ST3GAL3: variants seen among roughly 807,000 people sequenced by gnomAD.
ST3GAL3 encodes the protein ST3 beta-galactoside alpha-2,3-sialyltransferase 3, also known as CMP-N-acetylneuraminate-beta-1,4-galactoside alpha-2,3-sialyltransferase.
A neutral mutation model predicts 50.1 loss-of-function variants in ST3GAL3; 21 were observed. That is an observed-to-expected ratio of 0.42 (90% CI 0.30 to 0.60). The LOEUF is 0.60. Ranked by LOEUF, ST3GAL3 falls within the 20% of genes least tolerant of loss-of-function variation. The pLI, the probability that ST3GAL3 is intolerant of heterozygous loss-of-function variation, is 0.19. For missense variants in ST3GAL3, 353 were observed against 489.4 expected (o/e 0.72, Z 2.63); for synonymous variants, 183 against 190.0 (o/e 0.96, Z 0.30).
At position 43,861,797 on chromosome 1, in the gene ST3GAL3, G is replaced by A. The variant is rs3888199; in HGVS notation, c.302+23486G>A. Among the ~76,000 whole-genome samples, 1,249 of 152,280 alleles carry A rather than the reference G, an allele frequency of 8.2e-3. 12 individuals are homozygous for A. Among genetic ancestry groups the A allele is most frequent in the South Asian group, 0.019 (91 of 4,826 alleles). ...TAATCCCGGCACTTTGGGAGGCCAG[G>A]GCAGGCGGATCACCTGAAGTCAGGA... On this transcript the variant is annotated intron_variant, in intron 5 of 11. Coordinates refer to ENST00000347631, the MANE Select transcript of ST3GAL3 (RefSeq NM_006279.5).
chr1:43,828,228 A>G (rs2063078166), intron 4 of ST3GAL3, among the ~76,000 whole-genome samples: 1 of 152,224 alleles, frequency 6.6e-6, no homozygotes, highest in African/African-American at 2.4e-5. Flanking sequence ...TTCACCTTGT[A>G]CCTTTCACAA....
At chr1:43,817,374 TCTTCTC>T (rs1324295618) in intron 4 of ST3GAL3, among the ~76,000 whole-genome samples, 1 of 85,780 alleles carries the variant, frequency 1.2e-5, no homozygotes, top group Non-Finnish European at 2.6e-5. Context: ...TTCTTCTCCT[TCTTCTC>T]CTTCTTCTTC....
chr1:43,754,827 G>T (rs1196493567), intron 2 of ST3GAL3, among the ~76,000 whole-genome samples: 1 of 151,968 alleles, frequency 6.6e-6, no homozygotes, highest in Non-Finnish European at 1.5e-5. Context: ...GTGTGTTCCT[G>T]TAGTACCAGC....
intron 5 of ST3GAL3, among the ~76,000 whole-genome samples, chr1:43,870,317 G>T (rs147704447): frequency 6.6e-6 from 1 of 152,254 alleles, no homozygotes; most frequent in Non-Finnish European, 1.5e-5. Flanking sequence ...CCCTGTAAGT[G>T]ACATAAGTAG....
chr1:43,858,118 G>GTACC lies in ST3GAL3; in HGVS notation c.302+19810_302+19813dup, dbSNP rs756107423. 9.3e-6 allele frequency: 12 copies of GTACC among 1,289,370 alleles called. No homozygotes were observed. The South Asian group carries it at 1.5e-4, about 16-fold the overall frequency. 79.9% of individuals were successfully genotyped at this position (1,289,370 alleles called of 1,614,324 possible). On this transcript the variant is annotated intron_variant, in intron 5 of 11. Transcript: ENST00000347631. ...TTTCTGAGCCTCACCTTCCTCATCTGTACCTATCTTCCCCAGAGCTAAGAG... is the reference window on the plus strand; with the variant it reads ...TTTCTGAGCCTCACCTTCCTCATCTGTACCTACCTATCTTCCCCAGAGCTAAGAG...
At chr1:43,902,751 T>C (rs2078502041) in intron 9 of ST3GAL3, among the ~76,000 whole-genome samples, 1 of 152,172 alleles carries the variant, frequency 6.6e-6, no homozygotes, top group Non-Finnish European at 1.5e-5. Context: ...GGGTGCAGCC[T>C]CCAGCTCCGG....
At chr1:43,791,007 T>C (rs2058011387) in intron 2 of ST3GAL3, among the ~76,000 whole-genome samples, 1 of 152,226 alleles carries the variant, frequency 6.6e-6, no homozygotes, top group African/African-American at 2.4e-5. Context: ...TTTTATGTTT[T>C]GGTATTTCAG....
Position 43,899,283 on chromosome 1 carries a change from A to G in ST3GAL3, c.557+20A>G, listed in dbSNP as rs2077868161. 2 of 1,614,050 alleles carry G rather than the reference A, an allele frequency of 1.2e-6. No homozygotes were observed. Among genetic ancestry groups the G allele is most frequent in the Non-Finnish European group, 1.7e-6 (2 of 1,180,010 alleles). ...GGTGAGGTGAGCTCCCCAAAATGGC[A>G]CCTCGGGTGAGTGTCGTGGCCCCAA... is the stretch of plus-strand genomic sequence containing the variant. On this transcript the variant is annotated intron_variant, in intron 8 of 11. Coordinates refer to ENST00000347631, the MANE Select transcript of ST3GAL3 (RefSeq NM_006279.5). The surrounding 1 kb of genome is among the most constrained non-coding windows in gnomAD (Gnocchi z 5.4).
At chr1:43,812,977 G>A (rs1194308388) in intron 3 of ST3GAL3, among the ~76,000 whole-genome samples, 6 of 152,114 alleles carry the variant, frequency 3.9e-5, no homozygotes, top group Admixed American at 3.9e-4. Flanking sequence ...TATATGGGAG[G>A]AAAAACAGTG....
At chr1:43,803,387 A>AT (rs1338817918) in intron 3 of ST3GAL3, among the ~76,000 whole-genome samples, 1 of 148,726 alleles carries the variant, frequency 6.7e-6, no homozygotes, top group East Asian at 2.0e-4. Flanking sequence ...AAAAAAAAAA[A>AT]GGAATGTGCA....
At chr1:43,831,384 G>A (rs769315217) in intron 4 of ST3GAL3, among the ~76,000 whole-genome samples, 4 of 152,134 alleles carry the variant, frequency 2.6e-5, no homozygotes, top group Non-Finnish European at 2.9e-5. Context: ...GACTTACTAA[G>A]GATTTAGAAC....
In ST3GAL3 at chr1:43,821,899, A is replaced by G. The variant is rs12072491; in HGVS notation, c.209+6966A>G. Among the ~76,000 whole-genome samples, 252 of 152,368 alleles carry G rather than the reference A, an allele frequency of 1.7e-3. 2 individuals are homozygous for G. The highest frequency in any genetic ancestry group is 5.6e-3 in the African/African-American group (234 of 41,590). ...TTAACAGATTTGTTGAGCAACTAAT[A>G]TGTATCAGGCAATATTCTGTGGTCT... On this transcript the variant is annotated intron_variant, in intron 4 of 11. Coordinates refer to ENST00000347631, the MANE Select transcript of ST3GAL3 (RefSeq NM_006279.5).
rs764744327 is a variant in ST3GAL3, at chr1:43,838,207, C to G, written c.210-12C>G. On this transcript the variant is annotated splice_polypyrimidine_tract_variant and intron_variant, in intron 4 of 11. Transcript: ENST00000347631. ...TGCCTGGCAAGCTGTAACTTTCCTT[C>G]TCTTCCCATAGGCCTGCTGAATTAG... 7 of 1,590,178 alleles carry G rather than the reference C, an allele frequency of 4.4e-6. No homozygotes were observed. The highest frequency in any genetic ancestry group is 6.0e-6 in the Non-Finnish European group (7 of 1,164,792).
At chr1:43,887,182 G>A (rs1042375184) in intron 5 of ST3GAL3, among the ~76,000 whole-genome samples, 4 of 152,154 alleles carry the variant, frequency 2.6e-5, no homozygotes, top group Non-Finnish European at 1.5e-5. Flanking sequence ...AGGGCCCAGC[G>A]CCTCATAAAT....
intron 2 of ST3GAL3, among the ~76,000 whole-genome samples, chr1:43,791,713 G>T (rs1217863834): frequency 6.6e-6 from 1 of 152,162 alleles, no homozygotes; most frequent in East Asian, 1.9e-4. Context: ...ATAAGTAGAA[G>T]AAAGGGCAAG....
intron 5 of ST3GAL3, chr1:43,842,073 T>G (rs1433950709): frequency 6.6e-6 from 1 of 152,262 alleles, no homozygotes; most frequent in Non-Finnish European, 1.5e-5. Flanking sequence ...TAACATGTTA[T>G]GACCTTTGCT....
chr1:43,891,586 A>G (rs561598087), intron 5 of ST3GAL3, among the ~76,000 whole-genome samples: 2 of 152,294 alleles, frequency 1.3e-5, no homozygotes, highest in African/African-American at 4.8e-5. Flanking sequence ...ATAAGTAATA[A>G]ATAAATAAGA....
intron 9 of ST3GAL3, among the ~76,000 whole-genome samples, chr1:43,905,415 T>C (rs1248431811): frequency 6.3e-4 from 47 of 74,528 alleles, no homozygotes; most frequent in Admixed American, 1.6e-3. Flanking sequence ...CTCCTCTTCC[T>C]GCCACTTTTC....
At position 43,756,050 on chromosome 1, in the gene ST3GAL3, A is replaced by G. The variant is rs147129322; in HGVS notation, c.118+19670A>G. Reference sequence around the variant, plus strand: ...CAGGATTTTGAGGCTGTAGTGGGCTATAATTGCACTATTGTACTCTAACCT... The same window carrying G: ...CAGGATTTTGAGGCTGTAGTGGGCTGTAATTGCACTATTGTACTCTAACCT... On this transcript the variant is annotated intron_variant, in intron 2 of 11. Transcript: ENST00000347631. Among the ~76,000 whole-genome samples, 416 of 143,314 alleles carry G rather than the reference A, an allele frequency of 2.9e-3. 2 individuals are homozygous for G. The highest frequency in any genetic ancestry group is 0.01 in the African/African-American group (384 of 37,414). 94.0% of individuals were successfully genotyped at this position (143,314 alleles called of 152,430 possible).
Sources: allele counts gnomAD v4.1 joint callset (sites outside exome capture counted in the v4.1 genomes callset), GRCh38; gene constraint gnomAD v4.1.1; non-coding constraint Gnocchi (gnomAD v3.1); transcripts MANE v1.5; gene names NCBI Gene and HGNC (gene_info 2026-07-23, HGNC 2026-07-21).